Variants in MSI2 observed in about 807,000 individuals in gnomAD.
MSI2 encodes RNA-binding protein Musashi homolog 2.
In MSI2, 17 loss-of-function variants were observed where a neutral mutation model predicts 45.6. The observed-to-expected ratio is 0.37, with a 90% CI of 0.26 to 0.56. The LOEUF (loss-of-function observed/expected upper bound fraction) is 0.56, where lower values mean the gene tolerates loss of function less well. Ranked by LOEUF, MSI2 falls within the 20% of genes least tolerant of loss-of-function variation. The probability of loss-of-function intolerance (pLI) is 0.77; values close to 1 mark genes in which losing one functional copy is unlikely to be tolerated. For missense variants in MSI2, 293 were observed against 444.2 expected, an observed-to-expected ratio of 0.66 and a Z score of 3.06; for synonymous variants, 156 against 158.2, an observed-to-expected ratio of 0.99 and a Z score of 0.11.
chr17:57,666,597 T>C (rs1912384114), intron 11 of MSI2, among the ~76,000 whole-genome samples: 1 of 152,242 alleles, frequency 6.6e-6, no homozygotes, highest in African/African-American at 2.4e-5. Flanking sequence ...AAGACTACAT[T>C]AGGCTGCCTC....
intron 5 of MSI2, among the ~76,000 whole-genome samples, chr17:57,349,762 C>T (rs937804978): frequency 6.6e-6 from 1 of 152,192 alleles, no homozygotes; most frequent in Non-Finnish European, 1.5e-5. Flanking sequence ...AGGAACCACA[C>T]AAAAAGAGTT....
At chr17:57,363,791 C>A (rs1441299906) in intron 5 of MSI2, among the ~76,000 whole-genome samples, 10 of 134,962 alleles carry the variant, frequency 7.4e-5, no homozygotes, top group African/African-American at 1.4e-4. Flanking sequence ...ACAACAACAA[C>A]AAACAACAAC....
chr17:57,287,494 G>C (rs78153212), intron 5 of MSI2, among the ~76,000 whole-genome samples: 1 of 152,174 alleles, frequency 6.6e-6, no homozygotes, highest in Non-Finnish European at 1.5e-5. Context: ...GCTCAGTCGC[G>C]GAGTCTTGCA....
At chr17:57,311,945 A>G (rs1912436421) in intron 5 of MSI2, among the ~76,000 whole-genome samples, 1 of 152,048 alleles carries the variant, frequency 6.6e-6, no homozygotes, top group Admixed American at 6.5e-5. Flanking sequence ...TGATCCTCTC[A>G]CCTTGGACTC....
rs1913784472 is a variant in MSI2 at position 57,684,098 on chromosome 17, G to A, written c.*4581G>A. 1 of 222,988 alleles carries A rather than the reference G, an allele frequency of 4.5e-6. No homozygotes were observed. The highest frequency in any genetic ancestry group is 6.4e-5 in the East Asian group (1 of 15,542). 13.8% of individuals were successfully genotyped at this position (222,988 alleles called of 1,614,324 possible). On this transcript the variant is annotated 3_prime_UTR_variant, in exon 14 of 14. Transcript: ENST00000284073. ...ACAGGATTTCAGTTCCGGGAGGCAG[G>A]GGCATGATGGGGGAGGGGGCCGGAG...
the MSI2 span, among the ~76,000 whole-genome samples, chr17:57,691,178 T>TTCTCTC: frequency 1.4e-5 from 2 of 144,462 alleles, no homozygotes; most frequent in African/African-American, 2.5e-5. Flanking sequence ...CTCTCTCTCT[T>TTCTCTC]TCTCTCTCTC....
intron 6 of MSI2, among the ~76,000 whole-genome samples, chr17:57,402,995 ATAAT>A (rs1403516926): frequency 6.6e-6 from 1 of 152,234 alleles, no homozygotes; most frequent in Non-Finnish European, 1.5e-5. Flanking sequence ...GGGATTGGAA[ATAAT>A]TAAATGAGAC....
intron 7 of MSI2, among the ~76,000 whole-genome samples, chr17:57,580,904 G>A (rs1567914056): frequency 6.6e-6 from 1 of 150,976 alleles, no homozygotes; most frequent in East Asian, 1.9e-4. Flanking sequence ...AAGCAATATT[G>A]GGTATAAAAT....
intron 5 of MSI2, among the ~76,000 whole-genome samples, chr17:57,396,302 T>G (rs1312832279): frequency 6.6e-6 from 1 of 152,140 alleles, no homozygotes; most frequent in East Asian, 1.9e-4. Context: ...CCAGTGCTGT[T>G]GGAATTAAGT....
At chr17:57,401,747 A>T (rs1006195705) in intron 6 of MSI2, among the ~76,000 whole-genome samples, 1 of 151,946 alleles carries the variant, frequency 6.6e-6, no homozygotes, top group Non-Finnish European at 1.5e-5. Context: ...CTGGGCTGGG[A>T]GCTGGTGGTG....
At chr17:57,367,655 C>G (rs1191597562) in intron 5 of MSI2, among the ~76,000 whole-genome samples, 1 of 152,182 alleles carries the variant, frequency 6.6e-6, no homozygotes, top group Non-Finnish European at 1.5e-5. Context: ...GAAAGAAAAT[C>G]AGAGCATCTT....
chr17:57,700,977 G>A, the MSI2 span, among the ~76,000 whole-genome samples: 2 of 152,132 alleles, frequency 1.3e-5, no homozygotes, highest in Admixed American at 1.3e-4. Flanking sequence ...TGCTAACTTG[G>A]GCCTCAGTTG....
At position 57,257,148 on chromosome 17, in the gene MSI2, G is replaced by T; in HGVS notation, c.103+10G>T. On this transcript the variant is annotated intron_variant, in intron 2 of 13. Coordinates refer to ENST00000284073, the MANE Select transcript of MSI2 (RefSeq NM_138962.4). ...TGGCAGACCTCACCAGGTAAGGGAG[G>T]GAGGGGGGGACGCCTGGGTCCCCCC... 1 of 1,570,916 alleles carries T rather than the reference G, an allele frequency of 6.4e-7. No individual in the cohort carries two copies.
intron 6 of MSI2, among the ~76,000 whole-genome samples, chr17:57,406,380 T>G (rs1429428099): frequency 6.6e-6 from 1 of 152,192 alleles, no homozygotes; most frequent in Non-Finnish European, 1.5e-5. Context: ...AGGCCCCTCC[T>G]TCAAGTACCG....
chr17:57,336,724 T>C (rs1914717346), intron 5 of MSI2, among the ~76,000 whole-genome samples: 1 of 152,182 alleles, frequency 6.6e-6, no homozygotes, highest in African/African-American at 2.4e-5. Flanking sequence ...TAAAGAAATA[T>C]TATAGGCATT....
chr17:57,643,471 G>T (rs1049459926), intron 10 of MSI2, among the ~76,000 whole-genome samples: 3 of 152,236 alleles, frequency 2.0e-5, no homozygotes, highest in African/African-American at 7.2e-5. Flanking sequence ...GGTCAGTGGG[G>T]TGGGACAGGT....
At chr17:57,445,966 G>A (rs2143505068) in intron 6 of MSI2, among the ~76,000 whole-genome samples, 1 of 152,330 alleles carries the variant, frequency 6.6e-6, no homozygotes, top group South Asian at 2.1e-4. Flanking sequence ...GCCAGGCACT[G>A]TTCCGGGTAT....
chr17:57,305,456 T>C (rs1911799950), intron 5 of MSI2, among the ~76,000 whole-genome samples: 1 of 152,186 alleles, frequency 6.6e-6, no homozygotes, highest in Non-Finnish European at 1.5e-5. Flanking sequence ...ATTAATCTTC[T>C]GGGAAAAAGA....
At chr17:57,460,128 CAAATAAATAAATAAATAAAT>C (rs72396563) in intron 6 of MSI2, among the ~76,000 whole-genome samples, 32 of 139,006 alleles carry the variant, frequency 2.3e-4, no homozygotes, top group African/African-American at 5.9e-4. Context: ...AACTCTGTCT[CAAATAAATAAATAAATAAAT>C]AAATAAATAA....
Sources: gnomAD v4.1 joint callset for allele counts (sites outside exome capture counted in the v4.1 genomes callset) on GRCh38, gnomAD v4.1.1 for gene constraint, MANE v1.5 for transcripts, NCBI Gene and HGNC (gene_info 2026-07-23, HGNC 2026-07-21) for gene names.